The following BPIFC variants were observed in gnomAD, a reference collection of about 807,000 sequenced individuals.
BPIFC encodes BPI fold-containing family C protein.
In BPIFC, 60 loss-of-function variants were observed where a neutral mutation model predicts 57.6. The observed-to-expected ratio is 1.04, with a 90% CI of 0.85 to 1.29. BPIFC has a LOEUF of 1.29. Among genes scored for constraint, BPIFC ranks in the 50% most tolerant of loss-of-function variants. The pLI is 0.00. For synonymous variants in BPIFC, 243 were observed against 224.5 expected (o/e 1.08, Z -0.74); for missense variants, 581 against 600.5 (o/e 0.97, Z 0.34).
chr22:32,420,636 TGAATAA>T (rs1933820530), intron 13 of BPIFC, among the ~76,000 whole-genome samples: 1 of 152,226 alleles, frequency 6.6e-6, no homozygotes. Context: ...CTATGAAATA[TGAATAA>T]GAATATGTGA....
intron 14 of BPIFC, among the ~76,000 whole-genome samples, chr22:32,417,634 C>T (rs1363690780): frequency 1.3e-5 from 2 of 152,206 alleles, no homozygotes; most frequent in Non-Finnish European, 2.9e-5. Flanking sequence ...AGGACAGACA[C>T]TTCTGCTTCC....
chr22:32,432,781 A>G (rs1460176162), intron 11 of BPIFC, among the ~76,000 whole-genome samples: 2 of 152,238 alleles, frequency 1.3e-5, no homozygotes, highest in Non-Finnish European at 2.9e-5. Context: ...ATCACATTTA[A>G]TCTTCAGAAA....
rs1312812695 is a variant in BPIFC at position 32,436,960 on chromosome 22, T to C, written c.747+800A>G. On this transcript the variant is annotated intron_variant, in intron 9 of 16. Coordinates refer to ENST00000300399, the MANE Select transcript of BPIFC (RefSeq NM_174932.3). ...ATTTTAAAAGACAATGATATTAGCT[T>C]TGGGGCAAAATGAAACATAACCACA... Among the ~76,000 whole-genome samples the C allele has an allele frequency of 2.6e-5, 4 of 152,190 alleles. No homozygotes were observed. In the East Asian group the frequency reaches 7.7e-4, roughly 29 times the overall value.
intron 1 of BPIFC, among the ~76,000 whole-genome samples, chr22:32,462,198 GA>G (rs1157717599): frequency 1.1e-4 from 13 of 119,080 alleles, no homozygotes; most frequent in African/African-American, 2.8e-4. Context: ...AAAGAAAAAA[GA>G]AAAAAAAGAA....
intron 13 of BPIFC, among the ~76,000 whole-genome samples, chr22:32,426,890 T>A (rs1934083011): frequency 1.3e-5 from 1 of 79,446 alleles, no homozygotes; most frequent in Non-Finnish European, 2.6e-5. Flanking sequence ...AGACTCTGTC[T>A]GAAAAAAAAA....
intron 2 of BPIFC, among the ~76,000 whole-genome samples, chr22:32,460,607 C>T (rs1109364): frequency 0.27 from 40,940 of 152,052 alleles, 5,814 homozygotes; most frequent in African/African-American, 0.34. Context: ...GCCACGTTTT[C>T]TGCCTAATGC....
intron 13 of BPIFC, among the ~76,000 whole-genome samples, chr22:32,428,544 C>G (rs1264721446): frequency 6.6e-6 from 1 of 152,054 alleles, no homozygotes; most frequent in African/African-American, 2.4e-5. Context: ...TGCGAGTAAA[C>G]CTTCGTAAAA....
intron 4 of BPIFC, 147 bp downstream of exon 4, chr22:32,453,236 T>C: frequency 1.8e-6 from 1 of 550,954 alleles, no homozygotes; most frequent in South Asian, 3.6e-5. Flanking sequence ...TGAGGCAAAC[T>C]TGAGAATAGA....
At chr22:32,436,282 C>G (rs1934390845) in intron 9 of BPIFC, among the ~76,000 whole-genome samples, 1 of 149,060 alleles carries the variant, frequency 6.7e-6, no homozygotes, top group South Asian at 2.1e-4. Context: ...GCCTGGGTGA[C>G]AGAGGGGGAC....
At chr22:32,446,878 G>A (rs1934744481) in intron 5 of BPIFC, 1 of 869,960 alleles carries the variant, frequency 1.1e-6, no homozygotes, top group African/African-American at 1.8e-5. Context: ...GAAGTGTGTT[G>A]AATGGCTGGC....
At chr22:32,457,408 G>A (rs372943827) in intron 2 of BPIFC, 22 bp from the exon 3 acceptor site, 51 of 1,596,838 alleles carry the variant, frequency 3.2e-5, no homozygotes, top group African/African-American at 1.5e-4. Context: ...CAACAGTTAA[G>A]GTTCCTTTAT....
rs143597395 is a variant in BPIFC, at chr22:32,448,155, G to A, written c.246-815C>T. Among the ~76,000 whole-genome samples the A allele has an allele frequency of 3.9e-3, 589 of 150,922 alleles. 24 individuals are homozygous for A. In the East Asian group the frequency reaches 0.086, roughly 22 times the overall value. On this transcript the variant is annotated intron_variant, in intron 4 of 16. Transcript: ENST00000300399. ...ACGATCTCAGCTCACTGCAATCTCC[G>A]CCTCCTGGGTTCAAGGGATTCTCCT...
chr22:32,416,979 G>T, intron 15 of BPIFC, 106 bp downstream of exon 15: 3 of 1,030,524 alleles, frequency 2.9e-6, no homozygotes, highest in Non-Finnish European at 3.1e-6. Context: ...CATGATAGAA[G>T]TACAAGCTTC....
At chr22:32,451,103 C>A (rs1934883533) in intron 4 of BPIFC, among the ~76,000 whole-genome samples, 1 of 152,180 alleles carries the variant, frequency 6.6e-6, no homozygotes, top group Non-Finnish European at 1.5e-5. Flanking sequence ...GTTTAGACAG[C>A]ACAGGCCTAA....
At chr22:32,436,373 GGAGGAA>G (rs555907827) in intron 9 of BPIFC, among the ~76,000 whole-genome samples, 41,834 of 118,490 alleles carry the variant, frequency 0.35, 7,397 homozygotes, top group South Asian at 0.52. Context: ...AGGAGGAGGA[GGAGGAA>G]GAGGAGGAGG....
chr22:32,423,319 AT>A (rs1389149409), intron 13 of BPIFC, among the ~76,000 whole-genome samples: 7 of 152,152 alleles, frequency 4.6e-5, no homozygotes, highest in Admixed American at 1.3e-4. Flanking sequence ...AGAAGCTTCC[AT>A]TTGGGGTTTC....
Position 32,437,900 on chromosome 22 carries a change from A to G in BPIFC, c.656-49T>C, listed in dbSNP as rs1179928552. On this transcript the variant is annotated intron_variant, in intron 8 of 16. Transcript: ENST00000300399. ...GAAAATCCATATTCATTAAAGGCAT[A>G]GTATAATATATGAATGATGTCTATC... 3 of 1,073,540 alleles carry G rather than the reference A, an allele frequency of 2.8e-6. No individual in the cohort carries two copies. In the South Asian group the frequency reaches 4.0e-5, roughly 14 times the overall value. 66.5% of individuals were successfully genotyped at this position (1,073,540 alleles called of 1,614,324 possible). A position where few individuals can be genotyped will look rare whatever the true frequency, so the allele number is the denominator to read the frequency against.
At chr22:32,416,246 A>C (rs1054348275) in intron 15 of BPIFC, among the ~76,000 whole-genome samples, 12 of 151,900 alleles carry the variant, frequency 7.9e-5, no homozygotes, top group African/African-American at 1.4e-4. Context: ...TGCCTGGCTA[A>C]GTTTTTTTGT....
chr22:32,422,120 C>A (rs1349074205), intron 13 of BPIFC, among the ~76,000 whole-genome samples: 1 of 152,108 alleles, frequency 6.6e-6, no homozygotes, highest in Admixed American at 6.5e-5. Context: ...CATTTTTTAT[C>A]CTCAGAGCAA....
Sources: gnomAD v4.1 joint callset for allele counts (sites outside exome capture counted in the v4.1 genomes callset) on GRCh38, gnomAD v4.1.1 for gene constraint, MANE v1.5 for transcripts, NCBI Gene and HGNC (gene_info 2026-07-23, HGNC 2026-07-21) for gene names.